SPAG16: variants seen among roughly 807,000 people sequenced by gnomAD.
The protein encoded by SPAG16 is sperm associated antigen 16, also known as sperm-associated antigen 16 protein.
A neutral mutation model predicts 80.4 loss-of-function variants in SPAG16; 86 were observed. That is an observed-to-expected ratio of 1.07 (90% confidence interval 0.90 to 1.28). The LOEUF is 1.28. Among genes scored for constraint, SPAG16 ranks in the 50% most tolerant of loss-of-function variants. SPAG16 has a pLI of 0.00. For missense variants in SPAG16, 870 were observed against 765.3 expected, an observed-to-expected ratio of 1.14 and a Z score of -1.61; for synonymous variants, 294 against 265.9, an observed-to-expected ratio of 1.11 and a Z score of -1.03.
intron 5 of SPAG16, among the ~76,000 whole-genome samples, chr2:213,324,310 T>G (rs113060803): frequency 1.5e-4 from 23 of 152,272 alleles, no homozygotes; most frequent in African/African-American, 5.5e-4. Context: ...TTATATACAT[T>G]GAAGTATATG....
intron 15 of SPAG16, among the ~76,000 whole-genome samples, chr2:214,382,665 C>T (rs1700516691): frequency 6.6e-6 from 1 of 152,226 alleles, no homozygotes; most frequent in African/African-American, 2.4e-5. Flanking sequence ...AGTCTATGCT[C>T]ACTGAAAGTT....
chr2:213,844,651 A>C (rs867443909), intron 10 of SPAG16, among the ~76,000 whole-genome samples: 2 of 152,212 alleles, frequency 1.3e-5, no homozygotes, highest in African/African-American at 4.8e-5. Context: ...TAGTCAATAA[A>C]TGCTAACTGA....
At chr2:213,424,944 A>G (rs1381817204) in intron 9 of SPAG16, among the ~76,000 whole-genome samples, 3 of 152,178 alleles carry the variant, frequency 2.0e-5, no homozygotes, top group Admixed American at 1.3e-4. Context: ...GAAAAGAAGC[A>G]AGATTTGTTG....
intron 13 of SPAG16, among the ~76,000 whole-genome samples, chr2:214,059,561 T>G (rs1468671791): frequency 3.9e-5 from 6 of 151,996 alleles, no homozygotes; most frequent in Admixed American, 3.9e-4. Context: ...AGTGTTTTAT[T>G]TTATAATTTA....
chr2:214,125,234 T>C (rs1576287011), intron 14 of SPAG16, among the ~76,000 whole-genome samples: 1 of 151,628 alleles, frequency 6.6e-6, no homozygotes, highest in African/African-American at 2.4e-5. Flanking sequence ...GGCTTGATAC[T>C]GGAATTGGCT....
intron 11 of SPAG16, among the ~76,000 whole-genome samples, chr2:213,871,992 T>C (rs1575419279): frequency 6.6e-6 from 1 of 151,804 alleles, no homozygotes; most frequent in East Asian, 1.9e-4. Context: ...TGTCAAAAAA[T>C]AGAAAACATG....
intron 10 of SPAG16, among the ~76,000 whole-genome samples, chr2:213,492,295 T>C (rs1237577082): frequency 8.5e-5 from 13 of 152,342 alleles, no homozygotes; most frequent in Admixed American, 7.8e-4. Context: ...GGCTCACGCC[T>C]GTAATCCCAG....
At chr2:213,820,913 T>G (rs557814385) in intron 10 of SPAG16, among the ~76,000 whole-genome samples, 1 of 152,252 alleles carries the variant, frequency 6.6e-6, no homozygotes, top group East Asian at 1.9e-4. Flanking sequence ...TGTACTAAGT[T>G]TGCCCATTGG....
chr2:213,609,191 A>G (rs2061364273), intron 10 of SPAG16, among the ~76,000 whole-genome samples: 1 of 152,214 alleles, frequency 6.6e-6, no homozygotes. Flanking sequence ...AATTAAAGCC[A>G]GAAAAATCCC....
chr2:213,496,981 G>A (rs2074521661), intron 10 of SPAG16, among the ~76,000 whole-genome samples: 1 of 151,602 alleles, frequency 6.6e-6, no homozygotes. Flanking sequence ...ATTTCTAAGA[G>A]AAAGAACTTA....
chr2:214,300,480 G>A (rs1413987747), intron 15 of SPAG16, among the ~76,000 whole-genome samples: 2 of 152,164 alleles, frequency 1.3e-5, no homozygotes, highest in South Asian at 2.1e-4. Context: ...AAAATTATTA[G>A]AAACCTATAT....
intron 10 of SPAG16, among the ~76,000 whole-genome samples, chr2:213,778,648 T>C (rs1190567863): frequency 6.6e-6 from 1 of 152,154 alleles, no homozygotes; most frequent in Non-Finnish European, 1.5e-5. Context: ...TTCTTTTCCA[T>C]GGTATATTAT....
At chr2:214,370,745 G>C (rs1699761477) in intron 15 of SPAG16, among the ~76,000 whole-genome samples, 1 of 152,188 alleles carries the variant, frequency 6.6e-6, no homozygotes, top group African/African-American at 2.4e-5. Context: ...GAAATGGAGA[G>C]ACGTTTGTCA....
Position 214,410,387 on chromosome 2 carries a change from C to A in SPAG16, c.*72C>A. 1 of 1,399,254 alleles carries A rather than the reference C, an allele frequency of 7.1e-7. No homozygotes were observed. The highest frequency in any genetic ancestry group is 9.8e-7 in the Non-Finnish European group (1 of 1,025,292). The allele number at this position is 1,399,254 out of a possible 1,614,324, so 86.7% of individuals were successfully genotyped here. On this transcript the variant is annotated 3_prime_UTR_variant, in exon 16 of 16. Transcript: ENST00000331683. ...AATGCCTCCTGTAGTCCCAAACCAG[C>A]AAAGAACTGGTTAAATGTGCCAGCA... is the stretch of plus-strand genomic sequence containing the variant.
chr2:214,074,153 C>G (rs1295904651), intron 13 of SPAG16, among the ~76,000 whole-genome samples: 1 of 152,138 alleles, frequency 6.6e-6, no homozygotes, highest in African/African-American at 2.4e-5. Context: ...ATGTGTGATC[C>G]AGAAGAGGGC....
chr2:214,097,954 A>T (rs1341114582), intron 13 of SPAG16, among the ~76,000 whole-genome samples: 1 of 152,070 alleles, frequency 6.6e-6, no homozygotes, highest in Non-Finnish European at 1.5e-5. Context: ...TTTACAGATG[A>T]GAAAACTGAG....
At chr2:213,899,598 A>T (rs1010259011) in intron 11 of SPAG16, among the ~76,000 whole-genome samples, 5 of 152,078 alleles carry the variant, frequency 3.3e-5, no homozygotes, top group African/African-American at 1.2e-4. Context: ...GCTAGATTTA[A>T]ATGTTTTCAA....
At chr2:213,742,372 T>A (rs999902737) in intron 10 of SPAG16, among the ~76,000 whole-genome samples, 5 of 152,122 alleles carry the variant, frequency 3.3e-5, no homozygotes, top group Admixed American at 3.3e-4. Context: ...GTTACTATTG[T>A]ATATTTTAAT....
chr2:214,155,453 G>T (rs1198858569), intron 15 of SPAG16, among the ~76,000 whole-genome samples: 2 of 151,914 alleles, frequency 1.3e-5, no homozygotes, highest in South Asian at 4.2e-4. Flanking sequence ...AACTACAACA[G>T]CAAGGTTGAG....
Sources: allele counts gnomAD v4.1 joint callset (sites outside exome capture counted in the v4.1 genomes callset), GRCh38; gene constraint gnomAD v4.1.1; transcripts MANE v1.5; gene names NCBI Gene and HGNC (gene_info 2026-07-23, HGNC 2026-07-21).